Variants in BRD10 observed in about 807,000 individuals in gnomAD.
The protein encoded by BRD10 is bromodomain containing 10.
chr9:5,884,042 G>A, the BRD10 span, among the ~76,000 whole-genome samples: 1 of 152,194 alleles, frequency 6.6e-6, no homozygotes, highest in Non-Finnish European at 1.5e-5. Flanking sequence ...GCTGGAGCAA[G>A]CATTTAAATA....
At chr9:5,971,186 A>ATT in the BRD10 span, among the ~76,000 whole-genome samples, 1 of 152,154 alleles carries the variant, frequency 6.6e-6, no homozygotes, top group African/African-American at 2.4e-5. Context: ...CAATTAGATA[A>ATT]ATGCAAATCA....
the BRD10 span, among the ~76,000 whole-genome samples, chr9:5,927,273 C>G: frequency 1.3e-5 from 2 of 152,160 alleles, no homozygotes; most frequent in African/African-American, 2.4e-5. Context: ...TATTCTCCAT[C>G]TCCCTACCTA....
chr9:5,906,690 G>GAGGT, the BRD10 span, among the ~76,000 whole-genome samples: 6 of 152,220 alleles, frequency 3.9e-5, no homozygotes. Flanking sequence ...GCAATTCTGA[G>GAGGT]AGGTAGGTAG....
At chr9:5,888,273 T>G in the BRD10 span, among the ~76,000 whole-genome samples, 1 of 152,220 alleles carries the variant, frequency 6.6e-6, no homozygotes, top group East Asian at 1.9e-4. Context: ...TGATGTTAAG[T>G]AGAATCAGCT....
chr9:5,936,930 G>C, the BRD10 span, among the ~76,000 whole-genome samples: 5 of 152,104 alleles, frequency 3.3e-5, no homozygotes, highest in African/African-American at 1.2e-4. Context: ...TATGTGATAC[G>C]TGATTGAAAA....
the BRD10 span, among the ~76,000 whole-genome samples, chr9:5,964,106 G>C: frequency 2.6e-5 from 4 of 151,944 alleles, no homozygotes; most frequent in African/African-American, 7.3e-5. Flanking sequence ...ACTACCATCA[G>C]AGTGAACAGG....
chr9:5,970,185 C>T, the BRD10 span, among the ~76,000 whole-genome samples: 66 of 151,790 alleles, frequency 4.3e-4, no homozygotes, highest in Non-Finnish European at 8.2e-4. Context: ...AATGTTAACT[C>T]GAGTTTTATA....
At chr9:5,946,578 T>C in the BRD10 span, among the ~76,000 whole-genome samples, 1 of 152,110 alleles carries the variant, frequency 6.6e-6, no homozygotes, top group Non-Finnish European at 1.5e-5. Context: ...AAACTTTTCA[T>C]AGTATAATCT....
chr9:5,973,737 C>A, the BRD10 span, among the ~76,000 whole-genome samples: 5 of 151,940 alleles, frequency 3.3e-5, no homozygotes, highest in African/African-American at 1.2e-4. Flanking sequence ...AAAAAACGGG[C>A]CTGGTGTGGT....
chr9:5,934,898 A>G, the BRD10 span, among the ~76,000 whole-genome samples: 6 of 152,206 alleles, frequency 3.9e-5, no homozygotes, highest in Non-Finnish European at 7.4e-5. Context: ...ATTATTTGAC[A>G]TTCTCCTTAG....
chr9:5,899,289 G>C, the BRD10 span: 5 of 152,326 alleles, frequency 3.3e-5, no homozygotes, highest in Non-Finnish European at 4.4e-5. Flanking sequence ...GTGGGGTGGG[G>C]ATTGAAGCTT....
the BRD10 span, among the ~76,000 whole-genome samples, chr9:5,965,864 G>T: frequency 6.6e-6 from 1 of 152,120 alleles, no homozygotes; most frequent in Non-Finnish European, 1.5e-5. Context: ...TAATAAAGAA[G>T]AACAGGGTAA....
chr9:5,964,281 T>C, the BRD10 span, among the ~76,000 whole-genome samples: 1 of 148,550 alleles, frequency 6.7e-6, no homozygotes, highest in South Asian at 2.2e-4. Flanking sequence ...AAGACATTTA[T>C]GCAGCCAAAA....
the BRD10 span, among the ~76,000 whole-genome samples, chr9:5,954,732 G>GTA: frequency 1.1e-4 from 16 of 152,144 alleles, no homozygotes; most frequent in Non-Finnish European, 2.1e-4. Flanking sequence ...CCAATTCACA[G>GTA]TATACACTGA....
the BRD10 span, among the ~76,000 whole-genome samples, chr9:5,964,917 G>A: frequency 1.8e-5 from 2 of 113,024 alleles, no homozygotes; most frequent in Non-Finnish European, 3.6e-5. Context: ...GGGGTGGGGG[G>A]AGGGGGGAGG....
chr9:5,996,976 TTGGCTTCCTGTCCC>T, the BRD10 span, among the ~76,000 whole-genome samples: 1 of 152,312 alleles, frequency 6.6e-6, no homozygotes, highest in South Asian at 2.1e-4. Flanking sequence ...GGTAAATACC[TTGGCTTCCTGTCCC>T]TGGCCAACTC....
the BRD10 span, among the ~76,000 whole-genome samples, chr9:5,983,217 C>T: frequency 6.6e-6 from 1 of 152,134 alleles, no homozygotes; most frequent in Non-Finnish European, 1.5e-5. Context: ...GGGCATTTAG[C>T]AGAGGCCTGA....
At chr9:5,996,997 A>C in the BRD10 span, among the ~76,000 whole-genome samples, 1 of 152,064 alleles carries the variant, frequency 6.6e-6, no homozygotes, top group Non-Finnish European at 1.5e-5. Context: ...TCCCTGGCCA[A>C]CTCTTCTATT....
the BRD10 span, among the ~76,000 whole-genome samples, chr9:5,961,425 A>C: frequency 1.3e-5 from 2 of 152,148 alleles, no homozygotes; most frequent in Admixed American, 1.3e-4. Flanking sequence ...TAATAAGAAA[A>C]AACAATGAAA....
Sources: gnomAD v4.1 joint callset for allele counts (sites outside exome capture counted in the v4.1 genomes callset) on GRCh38, gnomAD v4.1.1 for gene constraint, MANE v1.5 for transcripts, NCBI Gene and HGNC (gene_info 2026-07-23, HGNC 2026-07-21) for gene names.